The following RFC1 variants were observed in gnomAD, a reference collection of about 807,000 sequenced individuals.
The protein encoded by RFC1 is A1 140 kDa subunit.
A neutral mutation model predicts 137.4 loss-of-function variants in RFC1; 37 were observed. That is an observed-to-expected ratio of 0.27 (90% CI 0.21 to 0.35). The LOEUF (loss-of-function observed/expected upper bound fraction) is 0.35. RFC1 is among the 10% of genes least tolerant of loss of function. RFC1 has a pLI of 1.00. For missense variants in RFC1, 1,205 were observed against 1,358.5 expected (o/e 0.89, Z 1.78); for synonymous variants, 429 against 455.7 (o/e 0.94, Z 0.75).
chr4:39,344,029 G>A (rs1006036579), intron 3 of RFC1, among the ~76,000 whole-genome samples: 2 of 151,472 alleles, frequency 1.3e-5, no homozygotes, highest in African/African-American at 2.4e-5. Context: ...CAGGAGAATC[G>A]CTTGAACCCA....
chr4:39,347,104 G>A (rs1398338197), intron 2 of RFC1, among the ~76,000 whole-genome samples: 2 of 152,170 alleles, frequency 1.3e-5, no homozygotes, highest in Admixed American at 6.5e-5. Context: ...CATGCAAAGA[G>A]GAAATGTGAC....
intron 21 of RFC1, among the ~76,000 whole-genome samples, chr4:39,298,930 A>G (rs1416688021): frequency 6.6e-6 from 1 of 152,212 alleles, no homozygotes; most frequent in Non-Finnish European, 1.5e-5. Context: ...CATCCTGGCC[A>G]ACACTGTTGG....
intron 4 of RFC1, among the ~76,000 whole-genome samples, chr4:39,340,658 T>C (rs544449241): frequency 2.4e-4 from 36 of 152,326 alleles, no homozygotes; most frequent in African/African-American, 8.4e-4. Context: ...GATTTTATTA[T>C]GCCAATCTTA....
intron 12 of RFC1, 73 bp from the exon 13 acceptor site, chr4:39,309,105 TAC>T: frequency 6.8e-7 from 1 of 1,466,696 alleles, no homozygotes; most frequent in Non-Finnish European, 9.1e-7. Flanking sequence ...CTAAACGTAC[TAC>T]AGAGAGCAAT....
intron 2 of RFC1, among the ~76,000 whole-genome samples, chr4:39,349,352 T>C (rs965738784): frequency 6.6e-6 from 1 of 152,136 alleles, no homozygotes; most frequent in Non-Finnish European, 1.5e-5. Context: ...AAACAAGTAA[T>C]TAAGGATAAA....
intron 22 of RFC1, among the ~76,000 whole-genome samples, chr4:39,293,612 A>T (rs1737811489): frequency 6.6e-6 from 1 of 152,210 alleles, no homozygotes; most frequent in African/African-American, 2.4e-5. Context: ...AATTCACTAT[A>T]AATGTCTTTG....
chr4:39,325,907 C>T (rs1242754586), intron 6 of RFC1, among the ~76,000 whole-genome samples: 3 of 152,296 alleles, frequency 2.0e-5, no homozygotes, highest in Non-Finnish European at 2.9e-5. Context: ...TTAAGATCCA[C>T]CAAGTCATGT....
intron 7 of RFC1, chr4:39,322,311 G>C (rs955840322): frequency 6.6e-6 from 1 of 151,934 alleles, no homozygotes; most frequent in Admixed American, 6.6e-5. Flanking sequence ...GGGGGGCTGC[G>C]GTGAGGGGAT....
chr4:39,355,098 TACACACACACACACACACACACAC>T (rs59438877), intron 1 of RFC1, among the ~76,000 whole-genome samples: 168 of 88,970 alleles, frequency 1.9e-3, no homozygotes, highest in Middle Eastern at 6.4e-3. Context: ...AAAAAAAAAA[TACACACACACACACACACACACAC>T]ACACACACAC....
At chr4:39,335,734 C>T (rs1740315576) in intron 4 of RFC1, among the ~76,000 whole-genome samples, 1 of 152,138 alleles carries the variant, frequency 6.6e-6, no homozygotes, top group Non-Finnish European at 1.5e-5. Flanking sequence ...TCTGCCTGAC[C>T]ACAGAGTTAA....
At chr4:39,329,618 GC>G (rs1322119601) in intron 4 of RFC1, among the ~76,000 whole-genome samples, 1 of 151,238 alleles carries the variant, frequency 6.6e-6, no homozygotes, top group East Asian at 1.9e-4. Context: ...CAGGCCTGTA[GC>G]CCCAGCTACT....
intron 2 of RFC1, among the ~76,000 whole-genome samples, chr4:39,351,119 C>T (rs1208534610): frequency 2.6e-5 from 4 of 151,736 alleles, no homozygotes; most frequent in Non-Finnish European, 4.4e-5. Context: ...GGTGTGGTGG[C>T]GGGCGCCTGT....
intron 3 of RFC1, among the ~76,000 whole-genome samples, chr4:39,345,006 GATTT>G (rs1740777445): frequency 6.6e-6 from 1 of 151,950 alleles, no homozygotes; most frequent in Non-Finnish European, 1.5e-5. Flanking sequence ...GAACATAGTT[GATTT>G]ATTTATTTAT....
chr4:39,362,126 A>G (rs1741790709), intron 1 of RFC1, among the ~76,000 whole-genome samples: 1 of 152,210 alleles, frequency 6.6e-6, no homozygotes, highest in Admixed American at 6.5e-5. Flanking sequence ...TAAAACTCAC[A>G]CTGTGAAAAA....
chr4:39,325,941 T>A (rs1162006855), intron 6 of RFC1, among the ~76,000 whole-genome samples: 1 of 151,678 alleles, frequency 6.6e-6, no homozygotes, highest in African/African-American at 2.4e-5. Context: ...AAAACTCCAA[T>A]GGGGCTGGGT....
rs188424675 is a variant in RFC1 at position 39,345,714 on chromosome 4, G to T, written c.133-238C>A. Among the ~76,000 whole-genome samples the T allele has an allele frequency of 4.1e-4, 62 of 152,186 alleles. No individual in the cohort carries two copies. In the East Asian group the frequency reaches 7.7e-3, roughly 19 times the overall value. On this transcript the variant is annotated intron_variant, in intron 2 of 24. Transcript: ENST00000349703. ...TTTTTGTATTTTTAGTAGAGACGGG[G>T]CTATCCTTTTTTCTCGTTAGATTTG...
intron 15 of RFC1, among the ~76,000 whole-genome samples, chr4:39,303,662 C>A (rs945326324): frequency 6.6e-6 from 1 of 152,232 alleles, no homozygotes; most frequent in Non-Finnish European, 1.5e-5. Context: ...CCATGTTGAC[C>A]AGGCTGGTCT....
intron 6 of RFC1, 49 bp downstream of exon 6, chr4:39,326,514 G>T: frequency 6.8e-7 from 1 of 1,463,578 alleles, no homozygotes; most frequent in Non-Finnish European, 9.5e-7. Context: ...GGACTAAATA[G>T]CTAGTCAGAA....
intron 23 of RFC1, among the ~76,000 whole-genome samples, chr4:39,290,427 CA>C (rs1737609746): frequency 6.6e-6 from 1 of 150,670 alleles, no homozygotes; most frequent in African/African-American, 2.4e-5. Context: ...AACAAACAAA[CA>C]AAAGGTCACT....
Sources: gnomAD v4.1 joint callset for allele counts (sites outside exome capture counted in the v4.1 genomes callset) on GRCh38, gnomAD v4.1.1 for gene constraint, MANE v1.5 for transcripts, NCBI Gene and HGNC (gene_info 2026-07-23, HGNC 2026-07-21) for gene names.